SUGCT: variants seen among roughly 807,000 people sequenced by gnomAD.
The protein encoded by SUGCT is succinyl-CoA:glutarate-CoA transferase.
SUGCT carries 41 observed loss-of-function variants against 55.0 expected under a neutral mutation model. The ratio of observed to expected loss-of-function variants is 0.74; its 90% CI spans 0.58 to 0.97. The LOEUF (loss-of-function observed/expected upper bound fraction) is 0.97, where lower values mean the gene tolerates loss of function less well. Ranked by LOEUF, SUGCT falls within the 50% of genes least tolerant of loss-of-function variation. The pLI, the probability that SUGCT is intolerant of heterozygous loss-of-function variation, is 0.00. For synonymous variants in SUGCT, 187 were observed against 200.4 expected (o/e 0.93, Z 0.56); for missense variants, 568 against 547.8 (o/e 1.04, Z -0.37).
At chr7:41,033,684 A>G in the SUGCT span, among the ~76,000 whole-genome samples, 2 of 152,084 alleles carry the variant, frequency 1.3e-5, no homozygotes, top group Non-Finnish European at 1.5e-5. Context: ...TCTCTTTCCC[A>G]CTCCTGGAAA....
At chr7:40,822,018 T>C (rs1460843800) in intron 13 of SUGCT, among the ~76,000 whole-genome samples, 1 of 152,258 alleles carries the variant, frequency 6.6e-6, no homozygotes, top group Non-Finnish European at 1.5e-5. Flanking sequence ...CATTTCATTA[T>C]GTACCCAGTA....
intron 12 of SUGCT, among the ~76,000 whole-genome samples, chr7:40,646,213 T>C (rs551175366): frequency 6.6e-6 from 1 of 152,298 alleles, no homozygotes; most frequent in East Asian, 1.9e-4. Flanking sequence ...CTCAAATGCT[T>C]CCAATTCTCT....
At chr7:40,616,350 C>A (rs1481874079) in intron 12 of SUGCT, among the ~76,000 whole-genome samples, 3 of 152,148 alleles carry the variant, frequency 2.0e-5, no homozygotes, top group African/African-American at 4.8e-5. Context: ...TGTGAACCAC[C>A]ACGCCCAACT....
chr7:40,614,248 A>G (rs1798895175), intron 12 of SUGCT, among the ~76,000 whole-genome samples: 2 of 152,120 alleles, frequency 1.3e-5, no homozygotes, highest in Non-Finnish European at 2.9e-5. Flanking sequence ...GTGTGTCTAT[A>G]GCCAACTTCC....
At chr7:40,220,193 C>G (rs1283811463) in intron 6 of SUGCT, among the ~76,000 whole-genome samples, 1 of 152,128 alleles carries the variant, frequency 6.6e-6, no homozygotes, top group East Asian at 1.9e-4. Context: ...TTTATCATCT[C>G]TCTCTATAAG....
At chr7:40,367,450 GA>G (rs11336365) in intron 9 of SUGCT, among the ~76,000 whole-genome samples, 89,919 of 148,422 alleles carry the variant, frequency 0.61, 27,357 homozygotes, top group South Asian at 0.7. Context: ...AAATTACCCA[GA>G]AAAAAAAAAT....
chr7:40,911,569 A>G, the SUGCT span, among the ~76,000 whole-genome samples: 11 of 64,048 alleles, frequency 1.7e-4, no homozygotes, highest in Admixed American at 6.7e-4. Flanking sequence ...CCCTGTCTCA[A>G]AAAAAAAAAA....
At chr7:40,490,364 AC>A (rs1289750496) in intron 11 of SUGCT, among the ~76,000 whole-genome samples, 1 of 151,938 alleles carries the variant, frequency 6.6e-6, no homozygotes, top group Non-Finnish European at 1.5e-5. Flanking sequence ...CCCTGCTGGT[AC>A]TCTCAAAATT....
In SUGCT at chr7:40,696,522, G is replaced by A. The variant is rs754788271; in HGVS notation, c.1090-52912G>A. Among the ~76,000 whole-genome samples the A allele has an allele frequency of 2.0e-5, 3 of 152,086 alleles. No homozygotes were observed. In the South Asian group the frequency reaches 6.2e-4, roughly 32 times the overall value. On this transcript the variant is annotated intron_variant, in intron 12 of 13. Coordinates refer to ENST00000335693, the MANE Select transcript of SUGCT (RefSeq NM_001193313.2). ...TCATGAAATGGAAATGACACCCAAA[G>A]CCAAAACTAGCCAAATTTATATCTT...
At chr7:40,914,522 C>T in the SUGCT span, among the ~76,000 whole-genome samples, 2 of 152,036 alleles carry the variant, frequency 1.3e-5, no homozygotes, top group Non-Finnish European at 2.9e-5. Flanking sequence ...AAAAACTTTA[C>T]CACGGATAAG....
At chr7:40,699,839 C>G (rs1265971992) in intron 12 of SUGCT, among the ~76,000 whole-genome samples, 1 of 152,116 alleles carries the variant, frequency 6.6e-6, no homozygotes, top group Non-Finnish European at 1.5e-5. Context: ...GCCTGGGTGA[C>G]AGAGCGAGAC....
the SUGCT span, among the ~76,000 whole-genome samples, chr7:40,983,132 C>T: frequency 6.6e-6 from 1 of 152,174 alleles, no homozygotes; most frequent in African/African-American, 2.4e-5. Context: ...AACGTTATTG[C>T]CCCATTTGAG....
At chr7:40,218,602 C>T (rs1197067890) in intron 6 of SUGCT, among the ~76,000 whole-genome samples, 5 of 151,928 alleles carry the variant, frequency 3.3e-5, no homozygotes, top group Admixed American at 6.6e-5. Flanking sequence ...TCAGTAAAAA[C>T]GCACCAATCA....
intron 9 of SUGCT, among the ~76,000 whole-genome samples, chr7:40,418,104 C>G (rs1183322875): frequency 6.6e-6 from 1 of 151,982 alleles, no homozygotes; most frequent in Non-Finnish European, 1.5e-5. Context: ...AGGATAAATT[C>G]TTTTTTTGTT....
chr7:40,754,940 A>G (rs1413283753), intron 13 of SUGCT, among the ~76,000 whole-genome samples: 1 of 152,220 alleles, frequency 6.6e-6, no homozygotes, highest in Non-Finnish European at 1.5e-5. Context: ...ATTCATCAAC[A>G]ATGCCAATGA....
At chr7:40,305,123 C>A (rs1487164014) in intron 8 of SUGCT, among the ~76,000 whole-genome samples, 2 of 152,168 alleles carry the variant, frequency 1.3e-5, no homozygotes, top group African/African-American at 2.4e-5. Context: ...CTAACTCAGC[C>A]TCTATGTTTA....
chr7:40,239,660 T>A (rs1789245487), intron 7 of SUGCT, among the ~76,000 whole-genome samples: 1 of 152,240 alleles, frequency 6.6e-6, no homozygotes, highest in African/African-American at 2.4e-5. Context: ...CTAACAGGGA[T>A]AATCACACAG....
chr7:40,645,952 C>A (rs995095888), intron 12 of SUGCT, among the ~76,000 whole-genome samples: 1 of 152,204 alleles, frequency 6.6e-6, no homozygotes, highest in African/African-American at 2.4e-5. Context: ...CTCTTTTCAT[C>A]TCCATTGGGA....
chr7:40,849,773 T>G (rs1793757135), intron 13 of SUGCT, among the ~76,000 whole-genome samples: 1 of 151,824 alleles, frequency 6.6e-6, no homozygotes, highest in Admixed American at 6.6e-5. Flanking sequence ...ACCACAGAGC[T>G]AGCTTGAGGG....
Sources: allele counts gnomAD v4.1 joint callset (sites outside exome capture counted in the v4.1 genomes callset), GRCh38; gene constraint gnomAD v4.1.1; transcripts MANE v1.5; gene names NCBI Gene and HGNC (gene_info 2026-07-23, HGNC 2026-07-21).